The following IMMP2L variants were observed in gnomAD, a reference collection of about 807,000 sequenced individuals.
IMMP2L encodes mitochondrial inner membrane protease subunit 2.
IMMP2L carries 18 observed loss-of-function variants against 19.3 expected under a neutral mutation model. The ratio of observed to expected loss-of-function variants is 0.93; its 90% CI spans 0.64 to 1.38. The LOEUF is 1.38. Ranked by LOEUF, IMMP2L falls within the 40% of genes most tolerant of loss-of-function variation. The pLI, the probability that IMMP2L is intolerant of heterozygous loss-of-function variation, is 0.00. For missense variants in IMMP2L, 233 were observed against 218.2 expected (o/e 1.07, Z -0.43); for synonymous variants, 76 against 73.0 (o/e 1.04, Z -0.21).
At chr7:111,133,901 A>T (rs1354414811) in intron 3 of IMMP2L, among the ~76,000 whole-genome samples, 1 of 152,048 alleles carries the variant, frequency 6.6e-6, no homozygotes, top group Non-Finnish European at 1.5e-5. Flanking sequence ...CCAGTATTTG[A>T]TTGATATCTA....
chr7:111,452,815 T>A (rs536271125), intron 3 of IMMP2L, among the ~76,000 whole-genome samples: 1 of 152,252 alleles, frequency 6.6e-6, no homozygotes, highest in Admixed American at 6.5e-5. Context: ...ACACTCCTGA[T>A]CCTCTTTACA....
At chr7:111,234,637 TTCTC>T (rs1446525497) in intron 3 of IMMP2L, among the ~76,000 whole-genome samples, 1 of 152,108 alleles carries the variant, frequency 6.6e-6, no homozygotes, top group Non-Finnish European at 1.5e-5. Flanking sequence ...TCAGCCTCTT[TTCTC>T]TCTTTTTCTG....
At chr7:111,397,599 T>C (rs1161995723) in intron 3 of IMMP2L, among the ~76,000 whole-genome samples, 1 of 152,176 alleles carries the variant, frequency 6.6e-6, no homozygotes, top group Non-Finnish European at 1.5e-5. Flanking sequence ...GCTGGTATGA[T>C]GGATGAAAAA....
intron 2 of IMMP2L, among the ~76,000 whole-genome samples, chr7:111,494,282 T>A (rs753579482): frequency 6.6e-6 from 1 of 152,094 alleles, no homozygotes; most frequent in Non-Finnish European, 1.5e-5. Context: ...GTAGTCACAG[T>A]GATTTCCAGT....
In IMMP2L at chr7:110,721,904, G is replaced by A. The variant is rs118151222; in HGVS notation, c.409-58183C>T. On this transcript the variant is annotated intron_variant, in intron 5 of 5. Coordinates refer to ENST00000405709, the MANE Select transcript of IMMP2L (RefSeq NM_032549.4). ...AGAGAGAAGAAAGAGAGAGAAAGAG[G>A]AACAAAGTTGTAAACAATCATAAGA... Among the ~76,000 whole-genome samples, 10 of 152,016 alleles carry A rather than the reference G, an allele frequency of 6.6e-5. No individual in the cohort carries two copies. The East Asian group carries it at 1.9e-3, about 29-fold the overall frequency.
intron 3 of IMMP2L, among the ~76,000 whole-genome samples, chr7:111,307,398 C>T (rs1332465309): frequency 6.6e-6 from 1 of 151,772 alleles, no homozygotes; most frequent in Non-Finnish European, 1.5e-5. Context: ...TTCACTTATG[C>T]ATTTTAGTCC....
intron 5 of IMMP2L, among the ~76,000 whole-genome samples, chr7:110,686,402 A>G (rs939595944): frequency 6.6e-6 from 1 of 151,674 alleles, no homozygotes; most frequent in African/African-American, 2.4e-5. Flanking sequence ...CACCTACCAC[A>G]CTGCCAATAA....
chr7:111,309,420 G>A (rs774695933), intron 3 of IMMP2L, among the ~76,000 whole-genome samples: 32 of 152,256 alleles, frequency 2.1e-4, no homozygotes, highest in Middle Eastern at 3.4e-3. Flanking sequence ...AAAACAGAGT[G>A]TGTGCTCAAA....
At chr7:111,447,623 T>C (rs1180074211) in intron 3 of IMMP2L, among the ~76,000 whole-genome samples, 1 of 151,074 alleles carries the variant, frequency 6.6e-6, no homozygotes, top group East Asian at 2.0e-4. Flanking sequence ...GTAAAGACCA[T>C]CGAGACTAGG....
intron 3 of IMMP2L, among the ~76,000 whole-genome samples, chr7:111,040,187 C>T (rs2129570746): frequency 6.6e-6 from 1 of 152,162 alleles, no homozygotes; most frequent in East Asian, 1.9e-4. Context: ...AGGGTCTGGT[C>T]ACTACACTAC....
At chr7:111,122,489 T>A (rs1483358195) in intron 3 of IMMP2L, 3 of 296,732 alleles carry the variant, frequency 1.0e-5, no homozygotes, top group African/African-American at 6.5e-5. Flanking sequence ...AATGAATTAC[T>A]CAATCTCCTA....
chr7:111,447,652 A>C (rs914871552), intron 3 of IMMP2L, among the ~76,000 whole-genome samples: 2 of 152,018 alleles, frequency 1.3e-5, no homozygotes, highest in African/African-American at 4.8e-5. Context: ...GCATCAACTA[A>C]GGAACGAAAT....
At chr7:110,787,851 G>A (rs763915210) in intron 5 of IMMP2L, among the ~76,000 whole-genome samples, 2 of 150,646 alleles carry the variant, frequency 1.3e-5, no homozygotes, top group Non-Finnish European at 3.0e-5. Flanking sequence ...AAAGTTCCAG[G>A]AAGGACAAAA....
intron 5 of IMMP2L, among the ~76,000 whole-genome samples, chr7:110,883,355 T>C (rs1303328305): frequency 6.6e-6 from 1 of 152,196 alleles, no homozygotes; most frequent in African/African-American, 2.4e-5. Flanking sequence ...TTGCTAAAAC[T>C]ATCATCTCCT....
chr7:110,916,860 T>C (rs1420395599), intron 4 of IMMP2L, among the ~76,000 whole-genome samples: 1 of 152,182 alleles, frequency 6.6e-6, no homozygotes, highest in Non-Finnish European at 1.5e-5. Flanking sequence ...TCTCAAAACA[T>C]ATTTTCTCAT....
At chr7:111,116,745 G>A (rs975763351) in intron 3 of IMMP2L, among the ~76,000 whole-genome samples, 3 of 152,126 alleles carry the variant, frequency 2.0e-5, no homozygotes, top group African/African-American at 7.2e-5. Context: ...TCATCTGAGT[G>A]AAACTTTATT....
chr7:110,820,154 C>T (rs2131327642), intron 5 of IMMP2L, among the ~76,000 whole-genome samples: 1 of 152,148 alleles, frequency 6.6e-6, no homozygotes, highest in South Asian at 2.1e-4. Flanking sequence ...ATCTACTTAT[C>T]TTCAGGGTAC....
chr7:111,417,124 G>T (rs943066373), intron 3 of IMMP2L, among the ~76,000 whole-genome samples: 1 of 151,698 alleles, frequency 6.6e-6, no homozygotes, highest in South Asian at 2.1e-4. Flanking sequence ...GTACTTATTT[G>T]ACAGAGTTGA....
At chr7:111,083,466 A>G (rs1320146043) in intron 3 of IMMP2L, among the ~76,000 whole-genome samples, 1 of 152,214 alleles carries the variant, frequency 6.6e-6, no homozygotes, top group African/African-American at 2.4e-5. Context: ...CAATCTGGTT[A>G]CACATAAGCA....
Sources: gnomAD v4.1 joint callset for allele counts (sites outside exome capture counted in the v4.1 genomes callset) on GRCh38, gnomAD v4.1.1 for gene constraint, MANE v1.5 for transcripts, NCBI Gene and HGNC (gene_info 2026-07-23, HGNC 2026-07-21) for gene names.